The following BMP1 variants were observed in gnomAD, a reference collection of about 807,000 sequenced individuals.
BMP1 encodes bone morphogenetic protein 1, also known as mammalian tolloid protein.
A neutral mutation model predicts 116.8 loss-of-function variants in BMP1; 63 were observed. The ratio of observed to expected loss-of-function variants is 0.54; its 90% CI spans 0.44 to 0.67. The LOEUF is 0.67. BMP1 is among the 30% of genes least tolerant of loss of function. The pLI, the probability that BMP1 is intolerant of heterozygous loss-of-function variation, is 0.00. For missense variants in BMP1, 1,183 were observed against 1,358.9 expected, an observed-to-expected ratio of 0.87 and a Z score of 2.04; for synonymous variants, 536 against 533.4, an observed-to-expected ratio of 1.00 and a Z score of -0.07.
intron 2 of BMP1, among the ~76,000 whole-genome samples, chr8:22,175,078 G>A (rs952039698): frequency 2.0e-5 from 3 of 152,170 alleles, no homozygotes; most frequent in African/African-American, 7.2e-5. Context: ...GTGACCTGGT[G>A]GCCTGCTAAC....
At chr8:22,187,371 G>T (rs1828803829) in intron 8 of BMP1, among the ~76,000 whole-genome samples, 1 of 151,230 alleles carries the variant, frequency 6.6e-6, no homozygotes, top group African/African-American at 2.4e-5. Flanking sequence ...TCGCTCTGTT[G>T]CCCAGGCTGG....
At position 22,211,756 on chromosome 8, in the gene BMP1, G is replaced by A; in HGVS notation, c.*28G>A. ...ACTGCCTGAGCAGGGGCGGGGACTG[G>A]AGCCTGCTGCCCTTGGTCGCCTAGA... is the stretch of plus-strand genomic sequence containing the variant. On this transcript the variant is annotated 3_prime_UTR_variant, in exon 20 of 20. Transcript: ENST00000306385. 1.2e-6 allele frequency: 2 copies of A among 1,613,990 alleles called. No individual in the cohort carries two copies. The highest frequency in any genetic ancestry group is 1.7e-6 in the Non-Finnish European group (2 of 1,179,968).
At chr8:22,180,568 TG>T in intron 8 of BMP1, 85 bp downstream of exon 8, 1 of 1,276,666 alleles carries the variant, frequency 7.8e-7, no homozygotes, top group Non-Finnish European at 1.1e-6. Context: ...GGGGTCAATA[TG>T]GGTGCCAGCG....
chr8:22,196,747 C>A lies in BMP1; in HGVS notation c.1833C>A (p.Tyr611Ter). The A allele has an allele frequency of 1.2e-6, 2 of 1,613,778 alleles. No individual in the cohort carries two copies. Among genetic ancestry groups the A allele is most frequent in the Non-Finnish European group, 8.5e-7 (1 of 1,179,932 alleles). The change falls in exon 14 of 20, where the codon TAC (tyrosine) becomes TAA (stop). Residue 611 changes from tyrosine to a stop codon, truncating the protein, a stop_gained. Coordinates refer to ENST00000306385, the MANE Select transcript of BMP1 (RefSeq NM_006129.5). LOFTEE classifies it high-confidence loss of function. ...SITSPGWPKE[Y>*]PPNKNCIWQL... ...CCAGCCCGGGCTGGCCCAAGGAGTA[C>A]CCCCCCAACAAGAACTGCATCTGGC...
chr8:22,187,283 G>A (rs1481966074), intron 8 of BMP1, among the ~76,000 whole-genome samples: 6 of 151,842 alleles, frequency 4.0e-5, no homozygotes, highest in East Asian at 1.9e-4. Flanking sequence ...GAGCCACCAC[G>A]CCCAGGCCAG....
At chr8:22,180,903 G>A (rs1431545208) in intron 8 of BMP1, among the ~76,000 whole-genome samples, 1 of 152,184 alleles carries the variant, frequency 6.6e-6, no homozygotes, top group African/African-American at 2.4e-5. Context: ...CTCTTCTCAG[G>A]TCTGGGTTCC....
In BMP1 at chr8:22,190,459, C is replaced by T. The variant is rs1450224949; in HGVS notation, c.1078-1590C>T. Among the ~76,000 whole-genome samples, 5 of 152,186 alleles carry T rather than the reference C, an allele frequency of 3.3e-5. No homozygotes were observed. The South Asian group carries it at 6.2e-4, about 19-fold the overall frequency. ...TGAAAGTCGCAGTGATGAGAACTGA[C>T]GGAAAGGCTGGAAACTGAATGGAGA... On this transcript the variant is annotated intron_variant, in intron 8 of 19. Coordinates refer to ENST00000306385, the MANE Select transcript of BMP1 (RefSeq NM_006129.5).
At chr8:22,192,785 G>C (rs759302943) in intron 9 of BMP1, among the ~76,000 whole-genome samples, 1 of 152,112 alleles carries the variant, frequency 6.6e-6, no homozygotes, top group African/African-American at 2.4e-5. Flanking sequence ...AAGGGAGGCA[G>C]GTGATCCTAG....
Position 22,180,408 on chromosome 8 carries a change from C to T in BMP1, c.1002C>T (p.Ser334=). 6.2e-7 allele frequency: 1 copy of T among 1,614,076 alleles called. No individual in the cohort carries two copies. The highest frequency in any genetic ancestry group is 1.3e-5 in the African/African-American group (1 of 75,044). ...ETLQDSTGNF[S]SPEYPNGYSA... is the part of the protein sequence containing the mutation. ...TGCAAGACAGCACAGGCAACTTCTCCTCCCCTGAATACCCCAATGGCTACT... is the reference window on the plus strand; with the variant it reads ...TGCAAGACAGCACAGGCAACTTCTCTTCCCCTGAATACCCCAATGGCTACT... Residue 334 remains serine (S), a synonymous_variant, in exon 8 of 20, where the codon TCC becomes TCT. Transcript: ENST00000306385.
At position 22,184,646 on chromosome 8, in the gene BMP1, G is replaced by A. The variant is rs989983717; in HGVS notation, c.1077+4163G>A. Among the ~76,000 whole-genome samples, 19 of 152,300 alleles carry A rather than the reference G, an allele frequency of 1.2e-4. 1 individual carries two copies. Among genetic ancestry groups the A allele is most frequent in the Admixed American group, 3.3e-4 (5 of 15,298 alleles). ...CTACTGTTTAACAATCAGGTACCAC[G>A]GAAAGCATTAGGCACCTTACATGCC... On this transcript the variant is annotated intron_variant, in intron 8 of 19. Coordinates refer to ENST00000306385, the MANE Select transcript of BMP1 (RefSeq NM_006129.5).
intron 2 of BMP1, 46 bp from the exon 3 acceptor site, chr8:22,176,097 C>T (rs1224546246): frequency 1.9e-6 from 3 of 1,589,050 alleles, no homozygotes; most frequent in Non-Finnish European, 2.6e-6. Flanking sequence ...TTTTGCTTTC[C>T]TCCTCTTTCT....
chr8:22,180,528 C>T, intron 8 of BMP1, 45 bp downstream of exon 8: 3 of 1,545,460 alleles, frequency 1.9e-6, no homozygotes, highest in Non-Finnish European at 2.7e-6. Context: ...CCCTGCGGGT[C>T]CCCATACCTC....
intron 5 of BMP1, 122 bp from the exon 6 acceptor site, chr8:22,177,730 C>A (rs1406531147): frequency 6.1e-6 from 5 of 813,348 alleles, no homozygotes; most frequent in Non-Finnish European, 8.5e-6. Context: ...CCCGGACCCT[C>A]AGGTAGGGGG....
At chr8:22,178,247 A>G (rs1047001892) in intron 6 of BMP1, among the ~76,000 whole-genome samples, 2 of 152,198 alleles carry the variant, frequency 1.3e-5, no homozygotes, top group African/African-American at 4.8e-5. Flanking sequence ...GCCCCAAACT[A>G]TCAGCCCAAA....
At chr8:22,206,763 GA>G (rs1829364546) in intron 16 of BMP1, 90 bp from the exon 17 acceptor site, 2 of 1,545,568 alleles carry the variant, frequency 1.3e-6, no homozygotes, top group Non-Finnish European at 8.8e-7. Flanking sequence ...TGGAAGAAAG[GA>G]GGGGGGGCAG....
In BMP1 at chr8:22,201,890, G is replaced by A; in HGVS notation, c.2195G>A (p.Gly732Asp). The part of the protein sequence containing the change: ...FGSYECQCRS[G>D]FVLHDNKHDC... ...AGTTATGAGTGCCAATGCCGCAGTG[G>A]CTTCGTCCTCCATGACAACAAGCAC... Residue 732 changes from glycine to aspartate, a missense_variant, in exon 16 of 20, where the codon GGC becomes GAC. Coordinates refer to ENST00000306385, the MANE Select transcript of BMP1 (RefSeq NM_006129.5). 7 of 1,613,878 alleles carry A rather than the reference G, an allele frequency of 4.3e-6. No individual in the cohort carries two copies. The highest frequency in any genetic ancestry group is 4.5e-5 in the East Asian group (2 of 44,874).
chr8:22,195,522 TG>T lies in BMP1; in HGVS notation c.1703del (p.Gly568AlafsTer184), dbSNP rs1284001444. ...GGCEQRCLNT[L>X]GSYKCSCDPG... Reference sequence around the variant, plus strand: ...TGTGAGCAGCGGTGCCTCAACACCCTGGGCAGCTACAAGTGCAGCTGTGACC... The same window carrying T: ...TGTGAGCAGCGGTGCCTCAACACCCTGGCAGCTACAAGTGCAGCTGTGACC... On this transcript the variant is annotated frameshift_variant, in exon 13 of 20. Coordinates refer to ENST00000306385, the MANE Select transcript of BMP1 (RefSeq NM_006129.5). LOFTEE classifies it high-confidence loss of function. 1 of 1,612,738 alleles carries T rather than the reference TG, an allele frequency of 6.2e-7. No homozygotes were observed.
intron 13 of BMP1, among the ~76,000 whole-genome samples, chr8:22,195,882 C>G (rs961247854): frequency 1.3e-5 from 2 of 152,042 alleles, no homozygotes; most frequent in African/African-American, 2.4e-5. Context: ...CTCCTGGCCT[C>G]AAGTACTCCT....
Position 22,196,446 on chromosome 8 carries a change from T to C in BMP1, c.1766-234T>C, listed in dbSNP as rs1829093639. Reference sequence around the variant, plus strand: ...TGTTCATTTGCAGAGAAGATAGAAATGGCCACACTTATGACCCCTTAGCTC... The same window carrying C: ...TGTTCATTTGCAGAGAAGATAGAAACGGCCACACTTATGACCCCTTAGCTC... On this transcript the variant is annotated intron_variant, in intron 13 of 19. Transcript: ENST00000306385. The C allele has an allele frequency of 6.5e-6, 4 of 616,104 alleles. No individual in the cohort carries two copies. The East Asian group carries it at 1.1e-4, about 17-fold the overall frequency. 38.2% of individuals were successfully genotyped at this position (616,104 alleles called of 1,614,324 possible). A position where few individuals can be genotyped will look rare whatever the true frequency, so the allele number is the denominator to read the frequency against.
Sources: gnomAD v4.1 joint callset for allele counts (sites outside exome capture counted in the v4.1 genomes callset) on GRCh38, gnomAD v4.1.1 for gene constraint, MANE v1.5 for transcripts, NCBI Gene and HGNC (gene_info 2026-07-23, HGNC 2026-07-21) for gene names.